The following GDAP2 variants were observed in gnomAD, a reference collection of about 807,000 sequenced individuals.
GDAP2 encodes the protein ganglioside induced differentiation associated protein 2.
GDAP2 carries 51 observed loss-of-function variants against 67.0 expected under a neutral mutation model. The observed-to-expected ratio is 0.76, with a 90% CI of 0.61 to 0.96. The LOEUF is 0.96. Ranked by LOEUF, GDAP2 falls within the 40% of genes least tolerant of loss-of-function variation. GDAP2 has a pLI of 0.00. For synonymous variants in GDAP2, 203 were observed against 207.3 expected (o/e 0.98, Z 0.18); for missense variants, 547 against 588.3 (o/e 0.93, Z 0.73).
At chr1:117,890,017 G>A (rs557333816) in intron 8 of GDAP2, among the ~76,000 whole-genome samples, 2 of 152,060 alleles carry the variant, frequency 1.3e-5, no homozygotes, top group South Asian at 4.1e-4. Flanking sequence ...GGTATTTTGG[G>A]GCCTGAGATG....
At position 117,867,769 on chromosome 1, in the gene GDAP2, G is replaced by C. The variant is rs1029787425; in HGVS notation, c.*2800C>G. On this transcript the variant is annotated 3_prime_UTR_variant, in exon 14 of 14. Coordinates refer to ENST00000369443, the MANE Select transcript of GDAP2 (RefSeq NM_017686.4). ...ATGAAACATAATATACATTAAAGGA[G>C]AAAACGTCTTTAAAATATGTACCAT... The C allele has an allele frequency of 1.3e-5, 2 of 151,974 alleles. No homozygotes were observed. Among genetic ancestry groups the C allele is most frequent in the African/African-American group, 4.8e-5 (2 of 41,386 alleles). 9.4% of individuals were successfully genotyped at this position (151,974 alleles called of 1,614,324 possible). A position where few individuals can be genotyped will look rare whatever the true frequency, so the allele number is the denominator to read the frequency against.
chr1:117,875,996 G>A (rs926947675), intron 13 of GDAP2, among the ~76,000 whole-genome samples: 2 of 152,106 alleles, frequency 1.3e-5, no homozygotes, highest in African/African-American at 4.8e-5. Context: ...AACTTTTGGG[G>A]ACTGCTGGGA....
In GDAP2 at chr1:117,912,024, G is replaced by T; in HGVS notation, c.529C>A (p.Pro177Thr). The T allele has an allele frequency of 6.2e-7, 1 of 1,603,122 alleles. No individual in the cohort carries two copies. Among genetic ancestry groups the T allele is most frequent in the Non-Finnish European group, 8.5e-7 (1 of 1,170,182 alleles). ...GCTATGTGTGTTGCATCCTCTAAAGGATAACCACGTTTTGCAGAATTGATG... is the reference window on the plus strand; with the variant it reads ...GCTATGTGTGTTGCATCCTCTAAAGTATAACCACGTTTTGCAGAATTGATG... ...CVINSAKRGY[P>T]LEDATHIALR... The change falls in exon 5 of 14, where the codon CCT becomes ACT. Residue 177 changes from proline (P) to threonine (T), a missense_variant. Pro to Thr is a conservative substitution (Grantham distance 38, BLOSUM62 -1). Transcript: ENST00000369443.
chr1:117,891,270 CAT>C (rs1649074252), intron 8 of GDAP2, among the ~76,000 whole-genome samples: 1 of 151,290 alleles, frequency 6.6e-6, no homozygotes, highest in Admixed American at 6.6e-5. Flanking sequence ...TCCTGGTATA[CAT>C]GTGCATGATT....
rs533108098 is a variant in GDAP2 at position 117,885,811 on chromosome 1, T to G, written c.1107+766A>C. Among the ~76,000 whole-genome samples the G allele has an allele frequency of 2.6e-5, 4 of 152,306 alleles. No homozygotes were observed. The South Asian group carries it at 8.3e-4, about 32-fold the overall frequency. ...CTGATCAGTTAAAGTTATCATCCTT[T>G]GAAGTCAGTTCCTAACAAAACTGAT... is the stretch of plus-strand genomic sequence containing the variant. On this transcript the variant is annotated intron_variant, in intron 10 of 13. Coordinates refer to ENST00000369443, the MANE Select transcript of GDAP2 (RefSeq NM_017686.4).
At chr1:117,886,723 C>T (rs1316000100) in intron 9 of GDAP2, 70 bp from the exon 10 acceptor site, 1 of 822,582 alleles carries the variant, frequency 1.2e-6, no homozygotes, top group East Asian at 2.4e-5. Context: ...TGGGCTCTGA[C>T]TTTATAAAAT....
chr1:117,926,574 A>G (rs1045495003), intron 1 of GDAP2, among the ~76,000 whole-genome samples: 1 of 152,212 alleles, frequency 6.6e-6, no homozygotes, highest in African/African-American at 2.4e-5. Context: ...TCTCACCAAA[A>G]AGAGGTTTGA....
At chr1:117,906,757 G>C (rs1443898264) in intron 5 of GDAP2, among the ~76,000 whole-genome samples, 175 bp from the exon 6 acceptor site, 1 of 152,124 alleles carries the variant, frequency 6.6e-6, no homozygotes, top group Non-Finnish European at 1.5e-5. Context: ...TAAAAATTCT[G>C]ATTTGCTTTC....
rs376289858 is a variant in GDAP2, at chr1:117,886,661, C to T, written c.1031-8G>A. 4.9e-5 allele frequency: 73 copies of T among 1,478,648 alleles called. No individual in the cohort carries two copies. In the African/African-American group the frequency reaches 9.7e-4, roughly 20 times the overall value. The allele number at this position is 1,478,648 out of a possible 1,614,324, so 91.6% of individuals were successfully genotyped here. A position where few individuals can be genotyped will look rare whatever the true frequency, so the allele number is the denominator to read the frequency against. On this transcript the variant is annotated splice_polypyrimidine_tract_variant and splice_region_variant and intron_variant, in intron 9 of 13. Transcript: ENST00000369443. The stretch of plus-strand genomic sequence containing the variant: ...GACCACAGTTATCAACACCTATAAA[C>T]AGGAAATGTCATCAGCACCCAGAAA...
intron 10 of GDAP2, among the ~76,000 whole-genome samples, chr1:117,886,213 T>A (rs1238241053): frequency 7.2e-5 from 11 of 152,162 alleles, no homozygotes; most frequent in Non-Finnish European, 1.6e-4. Flanking sequence ...ACATTTCTGT[T>A]TTTTTCTCTT....
intron 6 of GDAP2, among the ~76,000 whole-genome samples, chr1:117,904,047 C>T (rs575453169): frequency 5.3e-5 from 8 of 150,990 alleles, no homozygotes; most frequent in African/African-American, 1.2e-4. Context: ...AAGTCAGTGG[C>T]GTAATCTCAG....
At chr1:117,885,247 C>G (rs983976770) in intron 10 of GDAP2, among the ~76,000 whole-genome samples, 4 of 152,136 alleles carry the variant, frequency 2.6e-5, no homozygotes, top group East Asian at 3.9e-4. Flanking sequence ...CTCCACCCCC[C>G]ACCCCAGGGC....
chr1:117,927,174 A>C (rs562945533), intron 1 of GDAP2, among the ~76,000 whole-genome samples: 1 of 152,286 alleles, frequency 6.6e-6, no homozygotes, highest in South Asian at 2.1e-4. Context: ...TATCTTTTAT[A>C]ATTCAAATGG....
chr1:117,871,961 C>T (rs554338614), intron 13 of GDAP2, among the ~76,000 whole-genome samples: 1 of 152,042 alleles, frequency 6.6e-6, no homozygotes, highest in African/African-American at 2.4e-5. Flanking sequence ...GGACTAATAT[C>T]CAGAATCCAC....
Position 117,866,309 on chromosome 1 carries a change from G to A in GDAP2, c.*4260C>T, listed in dbSNP as rs918048002. ...AGAAGCCAGAAGAGGGCCCTCATCA[G>A]GAATTGCGCTGGATGGCACTTTGAT... On this transcript the variant is annotated 3_prime_UTR_variant, in exon 14 of 14. Transcript: ENST00000369443. The A allele has an allele frequency of 2.0e-5, 3 of 152,166 alleles. No individual in the cohort carries two copies. Among genetic ancestry groups the A allele is most frequent in the Non-Finnish European group, 2.9e-5 (2 of 68,028 alleles). The allele number at this position is 152,166 out of a possible 1,614,324, so 9.4% of individuals were successfully genotyped here. A position where few individuals can be genotyped will look rare whatever the true frequency, so the allele number is the denominator to read the frequency against.
chr1:117,917,027 C>G (rs1650070895), intron 3 of GDAP2, among the ~76,000 whole-genome samples: 2 of 148,924 alleles, frequency 1.3e-5, no homozygotes, highest in Admixed American at 1.3e-4. Context: ...GAGCAAGACT[C>G]TGTCTCAGGA....
At position 117,883,492 on chromosome 1, in the gene GDAP2, C is replaced by G. The variant is rs766513541; in HGVS notation, c.1243G>C (p.Val415Leu). 9 of 1,609,946 alleles carry G rather than the reference C, an allele frequency of 5.6e-6. No homozygotes were observed. The highest frequency in any genetic ancestry group is 7.6e-6 in the Non-Finnish European group (9 of 1,177,938). ...TAATTTGCAAAAATAACTAACTTGA[C>G]ATCAACAACATCGTAGAGTTTCTTC... is the stretch of plus-strand genomic sequence containing the variant. ...FLKKLYDVVD[V>L]KYKRNLKAVY... Residue 415 changes from valine to leucine, a missense_variant, in exon 11 of 14, where the codon GTC becomes CTC. Physicochemically the swap from Val to Leu is conservative, Grantham distance 32. Transcript: ENST00000369443.
chr1:117,895,296 C>G (rs1649227094), intron 8 of GDAP2, among the ~76,000 whole-genome samples: 1 of 152,052 alleles, frequency 6.6e-6, no homozygotes, highest in Non-Finnish European at 1.5e-5. Flanking sequence ...AGGTTTTCTT[C>G]ATATACATTA....
intron 6 of GDAP2, among the ~76,000 whole-genome samples, chr1:117,901,830 A>C (rs78856776): frequency 0.011 from 1,751 of 152,360 alleles, 33 homozygotes; most frequent in African/African-American, 0.04. Flanking sequence ...CCAAATCTAC[A>C]GTCCTAATCA....
Sources: gnomAD v4.1 joint callset for allele counts (sites outside exome capture counted in the v4.1 genomes callset) on GRCh38, gnomAD v4.1.1 for gene constraint, MANE v1.5 for transcripts, NCBI Gene and HGNC (gene_info 2026-07-23, HGNC 2026-07-21) for gene names.